Variants in GRM5 observed in about 807,000 individuals in gnomAD.
GRM5 encodes metabotropic glutamate receptor 5.
In GRM5, 19 loss-of-function variants were observed where a neutral mutation model predicts 83.1. The ratio of observed to expected loss-of-function variants is 0.23; its 90% CI spans 0.16 to 0.34. GRM5 has a LOEUF of 0.34. Ranked by LOEUF, GRM5 falls within the 10% of genes least tolerant of loss-of-function variation. GRM5 has a pLI of 1.00. For missense variants in GRM5, 1,160 were observed against 1,588.3 expected (o/e 0.73, Z 4.58); for synonymous variants, 675 against 633.6 (o/e 1.07, Z -0.98).
At chr11:88,844,091 CTA>C (rs1944255462) in intron 3 of GRM5, among the ~76,000 whole-genome samples, 1 of 152,124 alleles carries the variant, frequency 6.6e-6, no homozygotes, top group African/African-American at 2.4e-5. Flanking sequence ...AAGATGCCAT[CTA>C]ACACTTTCTC....
chr11:88,889,372 C>A (rs1945101127), intron 2 of GRM5, among the ~76,000 whole-genome samples: 1 of 152,158 alleles, frequency 6.6e-6, no homozygotes, highest in Non-Finnish European at 1.5e-5. Flanking sequence ...AAATAGAGTT[C>A]TTTGGGTCAG....
intron 3 of GRM5, among the ~76,000 whole-genome samples, chr11:88,676,910 G>A (rs1171746382): frequency 1.3e-5 from 2 of 151,854 alleles, no homozygotes; most frequent in Non-Finnish European, 2.9e-5. Flanking sequence ...GAAATAACTC[G>A]GTAATTCATC....
At chr11:88,666,185 A>G (rs1940038934) in intron 3 of GRM5, among the ~76,000 whole-genome samples, 1 of 152,198 alleles carries the variant, frequency 6.6e-6, no homozygotes, top group Non-Finnish European at 1.5e-5. Flanking sequence ...AGAAAAAAAG[A>G]ATTGTAATTG....
chr11:88,662,001 A>G (rs932976056), intron 3 of GRM5, among the ~76,000 whole-genome samples: 1 of 152,176 alleles, frequency 6.6e-6, no homozygotes, highest in Non-Finnish European at 1.5e-5. Flanking sequence ...TTCTCATTTC[A>G]AAGGATTCAT....
At chr11:88,758,255 G>A (rs537725784) in intron 3 of GRM5, among the ~76,000 whole-genome samples, 37 of 152,204 alleles carry the variant, frequency 2.4e-4, no homozygotes, top group African/African-American at 8.7e-4. Flanking sequence ...AATTACAGTA[G>A]TATTTGAAAT....
At chr11:88,869,876 T>C (rs1944733776) in intron 2 of GRM5, among the ~76,000 whole-genome samples, 1 of 151,588 alleles carries the variant, frequency 6.6e-6, no homozygotes, top group African/African-American at 2.4e-5. Flanking sequence ...TCCCTGGTTA[T>C]ATTTTTTTAG....
At chr11:88,749,596 C>A (rs1942220326) in intron 3 of GRM5, among the ~76,000 whole-genome samples, 1 of 152,050 alleles carries the variant, frequency 6.6e-6, no homozygotes, top group Non-Finnish European at 1.5e-5. Flanking sequence ...CAGAGAAACC[C>A]AGTAAGATAC....
At chr11:88,555,189 G>C (rs1302264475) in intron 8 of GRM5, among the ~76,000 whole-genome samples, 1 of 152,116 alleles carries the variant, frequency 6.6e-6, no homozygotes, top group Non-Finnish European at 1.5e-5. Flanking sequence ...ACTGGTGTGA[G>C]CTTAGAATAT....
intron 2 of GRM5, among the ~76,000 whole-genome samples, chr11:88,959,334 T>A (rs1938715212): frequency 6.6e-6 from 1 of 152,000 alleles, no homozygotes; most frequent in South Asian, 2.1e-4. Flanking sequence ...AGTGGCTCCA[T>A]CAGAGACAGA....
rs114500880 is a variant in GRM5 at position 88,711,275 on chromosome 11, C to T, written c.912-57872G>A. ...AAATATTCTGACCTCACTTGCCTTC[C>T]TCTGTCTATCCTCTTGCTGGTACCT... On this transcript the variant is annotated intron_variant, in intron 3 of 9. Coordinates refer to ENST00000305447, the MANE Select transcript of GRM5 (RefSeq NM_001143831.3). Among the ~76,000 whole-genome samples the T allele has an allele frequency of 5.2e-3, 795 of 152,178 alleles. 6 individuals are homozygous for T. Among genetic ancestry groups the T allele is most frequent in the African/African-American group, 0.018 (744 of 41,542 alleles).
intron 2 of GRM5, among the ~76,000 whole-genome samples, chr11:88,920,057 A>C (rs1333433627): frequency 6.6e-6 from 1 of 152,132 alleles, no homozygotes; most frequent in Admixed American, 6.5e-5. Flanking sequence ...ACATCAGAGC[A>C]GAAGTAAATG....
chr11:88,751,108 T>C (rs1188006713), intron 3 of GRM5, among the ~76,000 whole-genome samples: 1 of 62,576 alleles, frequency 1.6e-5, no homozygotes, highest in Admixed American at 1.3e-4. Flanking sequence ...AAGAACAAAA[T>C]CAGAGTGGAA....
chr11:89,028,745 T>C (rs1383683091), intron 2 of GRM5, among the ~76,000 whole-genome samples: 6 of 152,206 alleles, frequency 3.9e-5, no homozygotes, highest in Admixed American at 6.5e-5. Context: ...AAGAATTGGT[T>C]GATTTCATTT....
At chr11:88,786,630 C>T (rs1371211189) in intron 3 of GRM5, among the ~76,000 whole-genome samples, 1 of 152,068 alleles carries the variant, frequency 6.6e-6, no homozygotes, top group Admixed American at 6.6e-5. Flanking sequence ...AACATGGCTC[C>T]CCCTGCCCCA....
At chr11:88,893,322 T>C (rs1345825078) in intron 2 of GRM5, among the ~76,000 whole-genome samples, 2 of 151,990 alleles carry the variant, frequency 1.3e-5, no homozygotes, top group Admixed American at 6.6e-5. Flanking sequence ...AGAGAACAGT[T>C]GGTTGTTTAA....
At chr11:89,056,812 T>G (rs1475181704) in intron 1 of GRM5, among the ~76,000 whole-genome samples, 2 of 152,200 alleles carry the variant, frequency 1.3e-5, no homozygotes, top group Non-Finnish European at 2.9e-5. Context: ...TTCAAGTACC[T>G]ATTTTCAGAA....
intron 4 of GRM5, among the ~76,000 whole-genome samples, chr11:88,642,924 T>C (rs1022039408): frequency 1.3e-5 from 2 of 152,154 alleles, no homozygotes; most frequent in African/African-American, 4.8e-5. Context: ...TCCTGTCTTT[T>C]CCTGAGCTCC....
chr11:88,771,557 C>A (rs1417617150), intron 3 of GRM5, among the ~76,000 whole-genome samples: 1 of 152,066 alleles, frequency 6.6e-6, no homozygotes, highest in African/African-American at 2.4e-5. Context: ...CTTCTCCCAC[C>A]TTCTTCTGCC....
intron 3 of GRM5, among the ~76,000 whole-genome samples, chr11:88,811,843 A>G (rs1461898470): frequency 6.6e-6 from 1 of 152,062 alleles, no homozygotes; most frequent in Non-Finnish European, 1.5e-5. Flanking sequence ...CAGGGGTACC[A>G]TGCGCCAACT....
Sources: allele counts gnomAD v4.1 joint callset (sites outside exome capture counted in the v4.1 genomes callset), GRCh38; gene constraint gnomAD v4.1.1; transcripts MANE v1.5; gene names NCBI Gene and HGNC (gene_info 2026-07-23, HGNC 2026-07-21).